The following GNG12 variants were observed in gnomAD, a reference collection of about 807,000 sequenced individuals.
GNG12 encodes the protein G protein subunit gamma 12.
For missense variants in GNG12, 69 were observed against 83.8 expected, an observed-to-expected ratio of 0.82 and a Z score of 0.69; for synonymous variants, 28 against 29.7, an observed-to-expected ratio of 0.94 and a Z score of 0.19.
intron 2 of GNG12, among the ~76,000 whole-genome samples, chr1:67,745,790 G>A (rs1267238671): frequency 6.6e-6 from 1 of 152,154 alleles, no homozygotes; most frequent in Non-Finnish European, 1.5e-5. Flanking sequence ...TGGAAATGAC[G>A]TGTAGCACCT....
chr1:67,727,628 G>A (rs1206509224), intron 2 of GNG12, among the ~76,000 whole-genome samples: 2 of 152,134 alleles, frequency 1.3e-5, no homozygotes, highest in Non-Finnish European at 2.9e-5. Context: ...ACATACCTAT[G>A]TGTCCCATGT....
chr1:67,787,036 AGTGTGTGTGTGTGTGTGT>A (rs56084524), intron 1 of GNG12, among the ~76,000 whole-genome samples: 5 of 131,368 alleles, frequency 3.8e-5, no homozygotes, highest in Admixed American at 7.7e-5. Context: ...TATGTGTATA[AGTGTGTGTGTGTGTGTGT>A]GTGTGTGTGT....
chr1:67,833,036 G>A (rs1647059180), intron 1 of GNG12, among the ~76,000 whole-genome samples: 3 of 151,746 alleles, frequency 2.0e-5, no homozygotes, highest in Admixed American at 2.0e-4. Flanking sequence ...CCGTGGGGGC[G>A]GCTTCCCGCA....
intron 1 of GNG12, among the ~76,000 whole-genome samples, chr1:67,794,767 AG>A (rs1434851808): frequency 2.0e-5 from 3 of 152,242 alleles, no homozygotes; most frequent in Admixed American, 1.3e-4. Context: ...TCAAGCTTAT[AG>A]GGCAAGTATG....
intron 2 of GNG12, among the ~76,000 whole-genome samples, chr1:67,773,752 C>T (rs769662209): frequency 2.6e-5 from 4 of 152,120 alleles, no homozygotes; most frequent in Non-Finnish European, 4.4e-5. Flanking sequence ...TCTTTTAGAA[C>T]AGGGATGGTA....
chr1:67,798,641 A>C (rs1646846051), intron 1 of GNG12, among the ~76,000 whole-genome samples: 1 of 151,920 alleles, frequency 6.6e-6, no homozygotes, highest in East Asian at 1.9e-4. Context: ...GACCTTTATG[A>C]TGATCCACTT....
At chr1:67,753,347 A>G (rs1259441844) in intron 2 of GNG12, among the ~76,000 whole-genome samples, 2 of 124,652 alleles carry the variant, frequency 1.6e-5, no homozygotes, top group Non-Finnish European at 1.9e-5. Context: ...AAATATTCCA[A>G]AACCTGAAAA....
At chr1:67,782,462 T>C (rs1352118128) in intron 1 of GNG12, among the ~76,000 whole-genome samples, 3 of 152,132 alleles carry the variant, frequency 2.0e-5, no homozygotes, top group Non-Finnish European at 4.4e-5. Context: ...TATCTCCACC[T>C]TGGGACTGGC....
At chr1:67,766,098 G>GCACACATGCA (rs1646635650) in intron 2 of GNG12, among the ~76,000 whole-genome samples, 5 of 100,816 alleles carry the variant, frequency 5.0e-5, no homozygotes, top group Admixed American at 4.6e-4. Context: ...ACAAAACAAG[G>GCACACATGCA]CACACACGCA....
intron 2 of GNG12, among the ~76,000 whole-genome samples, chr1:67,776,060 C>A (rs536912098): frequency 3.3e-5 from 5 of 151,998 alleles, no homozygotes; most frequent in Admixed American, 2.6e-4. Context: ...TGAGGAGTAA[C>A]GTCCTGAAAG....
chr1:67,708,010 A>G (rs1412208066), intron 2 of GNG12, among the ~76,000 whole-genome samples: 1 of 152,250 alleles, frequency 6.6e-6, no homozygotes, highest in Non-Finnish European at 1.5e-5. Flanking sequence ...CTAAGAGGAA[A>G]CAAATACGCA....
At chr1:67,779,567 C>T (rs780966262) in intron 1 of GNG12, among the ~76,000 whole-genome samples, 1 of 152,066 alleles carries the variant, frequency 6.6e-6, no homozygotes, top group Non-Finnish European at 1.5e-5. Context: ...CCAACATGTC[C>T]TTTCCCTACA....
At chr1:67,749,270 C>G (rs1028654540) in intron 2 of GNG12, among the ~76,000 whole-genome samples, 1 of 152,134 alleles carries the variant, frequency 6.6e-6, no homozygotes, top group East Asian at 1.9e-4. Context: ...TTTCCCTAAA[C>G]CTCTGTTTTT....
At chr1:67,712,428 C>T (rs1001768870) in intron 2 of GNG12, among the ~76,000 whole-genome samples, 20 of 152,216 alleles carry the variant, frequency 1.3e-4, no homozygotes, top group Admixed American at 1.1e-3. Context: ...CGATGGCTCA[C>T]ACCTGCAATC....
chr1:67,800,403 A>G (rs1646857906), intron 1 of GNG12, among the ~76,000 whole-genome samples: 1 of 152,192 alleles, frequency 6.6e-6, no homozygotes, highest in African/African-American at 2.4e-5. Context: ...TCTTGAAGTG[A>G]CAGACTATTC....
intron 2 of GNG12, among the ~76,000 whole-genome samples, chr1:67,770,634 A>G (rs1646668471): frequency 6.6e-6 from 1 of 151,946 alleles, no homozygotes; most frequent in African/African-American, 2.4e-5. Flanking sequence ...GGAGGAGAGA[A>G]CCACCCAAAT....
At chr1:67,781,368 A>C (rs1646736454) in intron 1 of GNG12, among the ~76,000 whole-genome samples, 1 of 152,310 alleles carries the variant, frequency 6.6e-6, no homozygotes, top group African/African-American at 2.4e-5. Context: ...TAATTTATTT[A>C]TTATTGAGAG....
At chr1:67,833,271 G>GC (rs1388110118) in intron 1 of GNG12, 73 bp downstream of exon 1, 5 of 469,608 alleles carry the variant, frequency 1.1e-5, no homozygotes, top group African/African-American at 1.1e-4. Flanking sequence ...GAACTCGCTG[G>GC]CCGACGCCCC....
At chr1:67,746,445 C>G (rs975978420) in intron 2 of GNG12, among the ~76,000 whole-genome samples, 1 of 151,998 alleles carries the variant, frequency 6.6e-6, no homozygotes, top group Non-Finnish European at 1.5e-5. Context: ...ACTAAGCAAG[C>G]CTGTAACATC....
Sources: gnomAD v4.1 joint callset for allele counts (sites outside exome capture counted in the v4.1 genomes callset) on GRCh38, gnomAD v4.1.1 for gene constraint, MANE v1.5 for transcripts, NCBI Gene and HGNC (gene_info 2026-07-23, HGNC 2026-07-21) for gene names.